Variants in ALK observed in about 807,000 individuals in gnomAD.
The protein encoded by ALK is ALK tyrosine kinase receptor.
ALK carries 74 observed loss-of-function variants against 163.1 expected under a neutral mutation model. The observed-to-expected ratio is 0.45, with a 90% CI of 0.38 to 0.55. ALK has a LOEUF of 0.55. ALK is among the 20% of genes least tolerant of loss of function. ALK has a pLI of 0.00. For missense variants in ALK, 2,063 were observed against 2,105.3 expected (o/e 0.98, Z 0.39); for synonymous variants, 960 against 843.2 (o/e 1.14, Z -2.40).
intron 3 of ALK, among the ~76,000 whole-genome samples, chr2:29,628,602 G>C (rs1294866203): frequency 6.6e-6 from 1 of 152,152 alleles, no homozygotes; most frequent in South Asian, 2.1e-4. Context: ...TAAAGAGATG[G>C]TGTACAGTTC....
At position 29,373,758 on chromosome 2, in the gene ALK, C is replaced by T. The variant is rs186790798; in HGVS notation, c.1282+9974G>A. 4.6e-3 allele frequency among the ~76,000 whole-genome samples: 708 copies of T among 152,322 alleles called. 5 individuals carry two copies. The highest frequency in any genetic ancestry group is 7.2e-3 in the Non-Finnish European group (492 of 68,038). ...TCCTTCCTGGTTCCACCTGCTTTGG[C>T]CTGACTGTTTTGGATTCCAGTCTTC... is the stretch of plus-strand genomic sequence containing the variant. On this transcript the variant is annotated intron_variant, in intron 5 of 28. Coordinates refer to ENST00000389048, the MANE Select transcript of ALK (RefSeq NM_004304.5).
At chr2:29,510,257 C>T (rs1672473711) in intron 4 of ALK, among the ~76,000 whole-genome samples, 1 of 152,194 alleles carries the variant, frequency 6.6e-6, no homozygotes, top group Non-Finnish European at 1.5e-5. Flanking sequence ...TGAAATGTCC[C>T]TAGCAATTGG....
At chr2:29,711,437 C>A (rs1197801678) in intron 2 of ALK, among the ~76,000 whole-genome samples, 1 of 152,164 alleles carries the variant, frequency 6.6e-6, no homozygotes, top group Non-Finnish European at 1.5e-5. Context: ...CTGCATTTGT[C>A]AAAGAGCAGG....
chr2:29,707,730 G>A (rs1558452474), intron 2 of ALK, among the ~76,000 whole-genome samples: 2 of 152,186 alleles, frequency 1.3e-5, no homozygotes, highest in East Asian at 3.8e-4. Context: ...CAAAACTAGG[G>A]ACTTAAAAGA....
intron 2 of ALK, among the ~76,000 whole-genome samples, chr2:29,706,583 G>A (rs1434854633): frequency 6.6e-6 from 1 of 152,196 alleles, no homozygotes; most frequent in African/African-American, 2.4e-5. Flanking sequence ...AAGAGAAGAA[G>A]GGCCAAGTCT....
At chr2:29,498,992 CT>C (rs1220643373) in intron 4 of ALK, among the ~76,000 whole-genome samples, 1 of 152,196 alleles carries the variant, frequency 6.6e-6, no homozygotes, top group African/African-American at 2.4e-5. Flanking sequence ...TCAGAGTAAA[CT>C]TCTCCTCCCC....
chr2:29,217,172 CTGTG>C (rs771075146), intron 23 of ALK, among the ~76,000 whole-genome samples: 1 of 143,606 alleles, frequency 7.0e-6, no homozygotes, highest in Non-Finnish European at 1.5e-5. Flanking sequence ...GTGTATATGT[CTGTG>C]TGTTGTGTAC....
intron 2 of ALK, among the ~76,000 whole-genome samples, chr2:29,710,458 T>C (rs149984238): frequency 9.2e-5 from 14 of 151,782 alleles, no homozygotes; most frequent in Non-Finnish European, 1.8e-4. Context: ...CTCCTCTGGG[T>C]CTTCAACCTC....
intron 3 of ALK, among the ~76,000 whole-genome samples, chr2:29,629,787 C>A (rs1012090905): frequency 9.9e-5 from 15 of 152,162 alleles, no homozygotes; most frequent in Non-Finnish European, 1.5e-5. Flanking sequence ...TTATTAGTCT[C>A]ATTTTACAGG....
rs1214400523 is a variant in ALK, at chr2:29,193,421, G to A, written c.4666C>T (p.Leu1556Phe). The A allele has an allele frequency of 6.2e-7, 1 of 1,614,226 alleles. No individual in the cohort carries two copies. The highest frequency in any genetic ancestry group is 8.5e-7 in the Non-Finnish European group (1 of 1,180,044). The change falls in exon 29 of 29, where the codon CTC becomes TTC. Residue 1556 changes from leucine to phenylalanine, a missense_variant. Physicochemically the swap from Leu to Phe is conservative, Grantham distance 22 (BLOSUM62 0). Coordinates refer to ENST00000389048, the MANE Select transcript of ALK (RefSeq NM_004304.5). ...GCAGTCAGCGAAGAGGGCTCTAGGA[G>A]CAGTGAGGCCCCCGGAAGTCTCCCA... ...ATGRLPGASL[L>F]LEPSSLTANM...
chr2:29,870,010 G>A (rs1666537296), intron 1 of ALK, among the ~76,000 whole-genome samples: 1 of 152,134 alleles, frequency 6.6e-6, no homozygotes, highest in Admixed American at 6.5e-5. Context: ...ATCTATGATA[G>A]CAAAATGATA....
chr2:29,629,906 T>C (rs1018240386), intron 3 of ALK, among the ~76,000 whole-genome samples: 1 of 152,168 alleles, frequency 6.6e-6, no homozygotes, highest in Non-Finnish European at 1.5e-5. Context: ...TTGGAAGTAA[T>C]ACATTCCTAG....
chr2:29,548,527 TG>T (rs1375827111), intron 3 of ALK, among the ~76,000 whole-genome samples: 1 of 90,820 alleles, frequency 1.1e-5, no homozygotes, highest in Admixed American at 1.3e-4. Flanking sequence ...TCTATGCCAG[TG>T]CTGAACTGCC....
At chr2:29,210,510 G>A (rs747976938) in intron 24 of ALK, among the ~76,000 whole-genome samples, 4 of 152,106 alleles carry the variant, frequency 2.6e-5, no homozygotes, top group African/African-American at 9.7e-5. Context: ...TTGGCTCACT[G>A]CAACCTCTGC....
Position 29,239,845 on chromosome 2 carries a change from A to C in ALK, c.2205-15T>G, listed in dbSNP as rs1032959658. On this transcript the variant is annotated splice_polypyrimidine_tract_variant and intron_variant, in intron 12 of 28. Coordinates refer to ENST00000389048, the MANE Select transcript of ALK (RefSeq NM_004304.5). The stretch of plus-strand genomic sequence containing the variant: ...AGCCCGAGATGCTGCAATGGGACAA[A>C]GAACGTTGGCTCCCGCTGTGGTATG... 2.5e-6 allele frequency: 4 copies of C among 1,611,882 alleles called. No individual in the cohort carries two copies. The African/African-American group carries it at 5.3e-5, about 22-fold the overall frequency.
intron 4 of ALK, among the ~76,000 whole-genome samples, chr2:29,429,323 A>G (rs1573346236): frequency 6.6e-6 from 1 of 152,016 alleles, no homozygotes; most frequent in African/African-American, 2.4e-5. Flanking sequence ...AACTATCTCT[A>G]TTTGCAAATG....
At chr2:29,544,210 G>A (rs753316512) in intron 3 of ALK, among the ~76,000 whole-genome samples, 3 of 152,126 alleles carry the variant, frequency 2.0e-5, no homozygotes, top group Non-Finnish European at 4.4e-5. Context: ...TGCATGCCCC[G>A]AGATATCAGT....
At chr2:29,433,013 C>T (rs776435262) in intron 4 of ALK, among the ~76,000 whole-genome samples, 4 of 152,166 alleles carry the variant, frequency 2.6e-5, no homozygotes, top group Non-Finnish European at 5.9e-5. Flanking sequence ...CCAGCTGTAC[C>T]ATCTATGATT....
intron 1 of ALK, among the ~76,000 whole-genome samples, chr2:29,832,486 G>A (rs549525206): frequency 2.6e-5 from 4 of 152,364 alleles, no homozygotes; most frequent in African/African-American, 2.4e-5. Flanking sequence ...TATGTAGGGT[G>A]CACATGAGAG....
Sources: allele counts gnomAD v4.1 joint callset (sites outside exome capture counted in the v4.1 genomes callset), GRCh38; gene constraint gnomAD v4.1.1; transcripts MANE v1.5; gene names NCBI Gene and HGNC (gene_info 2026-07-23, HGNC 2026-07-21).